The following RERE variants were observed in gnomAD, a reference collection of about 807,000 sequenced individuals.
The protein encoded by RERE is arginine-glutamic acid dipeptide repeats protein.
In RERE, 40 loss-of-function variants were observed where a neutral mutation model predicts 146.1. That is an observed-to-expected ratio of 0.27 (90% confidence interval 0.21 to 0.36). The LOEUF is 0.36. Ranked by LOEUF, RERE falls within the 10% of genes least tolerant of loss-of-function variation. The pLI is 1.00. For synonymous variants in RERE, 1,003 were observed against 866.0 expected (o/e 1.16, Z -2.78); for missense variants, 1,933 against 2,138.7 (o/e 0.90, Z 1.90).
In RERE at chr1:8,355,608, C is replaced by A; in HGVS notation, c.4487-9G>T. ...ACGGGGGTAGGGGGTGCCTGCCGAA[C>A]ACAAAACAACCTGCGCTACAGAAAT... is the stretch of plus-strand genomic sequence containing the variant. On this transcript the variant is annotated splice_polypyrimidine_tract_variant and intron_variant, in intron 21 of 22. Coordinates refer to ENST00000400908, the MANE Select transcript of RERE (RefSeq NM_001042681.2). 1 of 1,563,502 alleles carries A rather than the reference C, an allele frequency of 6.4e-7. No homozygotes were observed. Among genetic ancestry groups the A allele is most frequent in the Non-Finnish European group, 8.7e-7 (1 of 1,151,966 alleles).
At chr1:8,496,151 A>T (rs1018983895) in intron 9 of RERE, among the ~76,000 whole-genome samples, 3 of 125,898 alleles carry the variant, frequency 2.4e-5, no homozygotes, top group Non-Finnish European at 4.9e-5. Context: ...ACCCTGTCTT[A>T]AAAAAAAAAA....
At chr1:8,601,854 C>T (rs1243637636) in intron 4 of RERE, among the ~76,000 whole-genome samples, 1 of 151,936 alleles carries the variant, frequency 6.6e-6, no homozygotes, top group African/African-American at 2.4e-5. Context: ...GTCCTTCTGC[C>T]TTTCCATCCA....
intron 1 of RERE, among the ~76,000 whole-genome samples, chr1:8,722,798 A>G (rs1275966193): frequency 6.6e-6 from 1 of 152,216 alleles, no homozygotes; most frequent in Non-Finnish European, 1.5e-5. Context: ...CATAGGTTAC[A>G]TGCAAATACG....
At chr1:8,633,341 T>G (rs1243709934) in intron 2 of RERE, among the ~76,000 whole-genome samples, 2 of 152,026 alleles carry the variant, frequency 1.3e-5, no homozygotes, top group African/African-American at 2.4e-5. Context: ...GAGGATCACT[T>G]AAGCCCAGGA....
chr1:8,619,208 G>T (rs984881483), intron 3 of RERE, among the ~76,000 whole-genome samples: 4 of 152,112 alleles, frequency 2.6e-5, no homozygotes, highest in African/African-American at 9.7e-5. Flanking sequence ...GGACACAAAT[G>T]ATACAGCGGC....
intron 11 of RERE, among the ~76,000 whole-genome samples, chr1:8,432,155 G>A (rs1344896794): frequency 1.3e-5 from 2 of 152,066 alleles, no homozygotes; most frequent in African/African-American, 2.4e-5. Flanking sequence ...TTCCTAGTAC[G>A]TCCAAACTAT....
chr1:8,538,398 G>T (rs1392846879), intron 7 of RERE, among the ~76,000 whole-genome samples: 1 of 152,166 alleles, frequency 6.6e-6, no homozygotes, highest in African/African-American at 2.4e-5. Context: ...GGTAAATTCT[G>T]CAAGGGTATG....
At chr1:8,385,098 C>T (rs1047712655) in intron 12 of RERE, among the ~76,000 whole-genome samples, 1 of 152,222 alleles carries the variant, frequency 6.6e-6, no homozygotes, top group African/African-American at 2.4e-5. Context: ...CTGAGTCAAG[C>T]ATGGCCTTGG....
At chr1:8,508,913 T>C (rs1267225447) in intron 7 of RERE, among the ~76,000 whole-genome samples, 1 of 152,114 alleles carries the variant, frequency 6.6e-6, no homozygotes, top group Non-Finnish European at 1.5e-5. Context: ...AGAACCTTCC[T>C]ACATCATCGT....
At chr1:8,783,527 G>A (rs1443284479) in intron 1 of RERE, among the ~76,000 whole-genome samples, 1 of 152,098 alleles carries the variant, frequency 6.6e-6, no homozygotes, top group African/African-American at 2.4e-5. Context: ...CCACAAAGGA[G>A]TCTTCTGTCC....
At chr1:8,594,717 C>T (rs1332722430) in intron 4 of RERE, among the ~76,000 whole-genome samples, 1 of 151,992 alleles carries the variant, frequency 6.6e-6, no homozygotes, top group African/African-American at 2.4e-5. Context: ...TTAATAGTAA[C>T]ATATTATCCT....
chr1:8,619,742 C>T (rs1646896171), intron 3 of RERE, among the ~76,000 whole-genome samples: 1 of 152,206 alleles, frequency 6.6e-6, no homozygotes, highest in Non-Finnish European at 1.5e-5. Context: ...TTGTATTATA[C>T]TTCTTAATGC....
chr1:8,694,729 C>T (rs1026155555), intron 1 of RERE, among the ~76,000 whole-genome samples: 6 of 151,278 alleles, frequency 4.0e-5, no homozygotes, highest in East Asian at 1.9e-4. Context: ...TCTGCATTCA[C>T]GGCTGGGTGA....
At chr1:8,399,672 G>A (rs1204187683) in intron 12 of RERE, among the ~76,000 whole-genome samples, 6 of 152,124 alleles carry the variant, frequency 3.9e-5, no homozygotes, top group Admixed American at 3.9e-4. Flanking sequence ...AGTTTTGATT[G>A]AAATGATATA....
intron 12 of RERE, among the ~76,000 whole-genome samples, chr1:8,415,780 C>T (rs372863880): frequency 6.6e-6 from 1 of 152,210 alleles, no homozygotes; most frequent in African/African-American, 2.4e-5. Flanking sequence ...TTAATAGATT[C>T]GAGCCTCGGC....
chr1:8,774,595 C>T (rs1010108557), intron 1 of RERE, among the ~76,000 whole-genome samples: 1 of 151,824 alleles, frequency 6.6e-6, no homozygotes, highest in Non-Finnish European at 1.5e-5. Flanking sequence ...CTCAGCTGAT[C>T]GACCCGCCTC....
At chr1:8,450,200 T>C (rs1376123095) in intron 11 of RERE, among the ~76,000 whole-genome samples, 1 of 152,074 alleles carries the variant, frequency 6.6e-6, no homozygotes, top group African/African-American at 2.4e-5. Flanking sequence ...AACACTTGAA[T>C]CTGCGATCTT....
intron 4 of RERE, among the ~76,000 whole-genome samples, chr1:8,604,642 A>AAGGG (rs1646678782): frequency 7.0e-6 from 1 of 143,652 alleles, no homozygotes; most frequent in African/African-American, 2.8e-5. Context: ...GGAAGGAAGG[A>AAGGG]AGGAAGGAAG....
intron 2 of RERE, among the ~76,000 whole-genome samples, chr1:8,642,146 C>T (rs539715190): frequency 6.6e-6 from 1 of 152,302 alleles, no homozygotes; most frequent in Non-Finnish European, 1.5e-5. Context: ...CAATCTAAAA[C>T]CCCAATCTAA....
Sources: allele counts gnomAD v4.1 joint callset (sites outside exome capture counted in the v4.1 genomes callset), GRCh38; gene constraint gnomAD v4.1.1; transcripts MANE v1.5; gene names NCBI Gene and HGNC (gene_info 2026-07-23, HGNC 2026-07-21).